PDE10A: variants seen among roughly 807,000 people sequenced by gnomAD.
PDE10A encodes the protein cAMP and cAMP-inhibited cGMP 3',5'-cyclic phosphodiesterase 10A.
In PDE10A, 39 loss-of-function variants were observed where a neutral mutation model predicts 97.7. The ratio of observed to expected loss-of-function variants is 0.40; its 90% confidence interval spans 0.31 to 0.52. The LOEUF is 0.52. PDE10A is among the 20% of genes least tolerant of loss of function. The pLI is 0.56. For synonymous variants in PDE10A, 371 were observed against 376.8 expected (o/e 0.98, Z 0.18); for missense variants, 731 against 1,047.8 (o/e 0.70, Z 4.17).
intron 1 of PDE10A, among the ~76,000 whole-genome samples, chr6:165,903,433 A>G (rs917859951): frequency 6.6e-6 from 1 of 152,174 alleles, no homozygotes; most frequent in Non-Finnish European, 1.5e-5. Flanking sequence ...TTTGAATGTG[A>G]TGGGTACAGG....
At chr6:165,750,325 C>G (rs1482701770) in intron 1 of PDE10A, among the ~76,000 whole-genome samples, 1 of 152,154 alleles carries the variant, frequency 6.6e-6, no homozygotes, top group African/African-American at 2.4e-5. Flanking sequence ...ACAACTGAAA[C>G]GTGGAAAAGG....
At chr6:165,625,861 G>T (rs1299759965) in intron 1 of PDE10A, among the ~76,000 whole-genome samples, 3 of 152,116 alleles carry the variant, frequency 2.0e-5, no homozygotes, top group East Asian at 1.9e-4. Context: ...GCATGGAAAC[G>T]GACTCACACA....
At chr6:165,839,902 TC>T (rs1780189066) in intron 1 of PDE10A, among the ~76,000 whole-genome samples, 1 of 2,016 alleles carries the variant, frequency 5.0e-4, no homozygotes, top group Admixed American at 4.9e-3. Flanking sequence ...CCCATTCCCA[TC>T]TCCAACTCCA....
chr6:165,977,053 C>T (rs887350875), intron 1 of PDE10A, among the ~76,000 whole-genome samples: 5 of 152,188 alleles, frequency 3.3e-5, no homozygotes, highest in African/African-American at 1.2e-4. Context: ...GTTACAGAAC[C>T]TGTTACTTTA....
chr6:165,433,782 G>A (rs1457176791), intron 6 of PDE10A, among the ~76,000 whole-genome samples: 1 of 151,992 alleles, frequency 6.6e-6, no homozygotes, highest in Admixed American at 6.6e-5. Flanking sequence ...TTGGGAGGCC[G>A]AGGTGGGCGG....
At chr6:165,666,871 A>T (rs1028669874), upstream of PDE10A, among the ~76,000 whole-genome samples, 1 of 152,242 alleles carries the variant, frequency 6.6e-6, no homozygotes, top group Non-Finnish European at 1.5e-5. Flanking sequence ...GCTTGACATC[A>T]GGGAGACTGC....
chr6:165,734,957 GATAGATA>G (rs1792528046), intron 1 of PDE10A, among the ~76,000 whole-genome samples: 1 of 107,076 alleles, frequency 9.3e-6, no homozygotes, highest in African/African-American at 4.4e-5. Flanking sequence ...AAAGTAGATA[GATAGATA>G]GATAGATAGA....
intron 1 of PDE10A, among the ~76,000 whole-genome samples, chr6:165,764,611 G>A (rs981896693): frequency 1.3e-5 from 2 of 152,066 alleles, no homozygotes; most frequent in Non-Finnish European, 2.9e-5. Flanking sequence ...GCAGACCTTC[G>A]CAGTGAGTGT....
rs1159632051 is a variant in PDE10A at position 165,331,293 on chromosome 6, T to A, written c.*1732A>T. 6.6e-6 allele frequency: 1 copy of A among 152,314 alleles called. No homozygotes were observed. Among genetic ancestry groups the A allele is most frequent in the South Asian group, 2.1e-4 (1 of 4,828 alleles). The allele number at this position is 152,314 out of a possible 1,614,324, so 9.4% of individuals were successfully genotyped here. On this transcript the variant is annotated 3_prime_UTR_variant, in exon 22 of 22. Coordinates refer to ENST00000539869, the MANE Select transcript of PDE10A (RefSeq NM_001385079.1). ...TTTGTTATTACATTTTACCTCATAG[T>A]GTATAATGAAAATAGCAAATGGAGC...
At position 165,839,110 on chromosome 6, in the gene PDE10A, T is replaced by C. The variant is rs969841847; in HGVS notation, c.-615+148419A>G. 3.3e-5 allele frequency among the ~76,000 whole-genome samples: 5 copies of C among 152,372 alleles called. No homozygotes were observed. In the South Asian group the frequency reaches 1.0e-3, roughly 32 times the overall value. The stretch of plus-strand genomic sequence containing the variant: ...TTTCTAAAAAGTCCAGAAACTCTTT[T>C]TCTGTACGCCAAACTCTATCACTAA... On this transcript the variant is annotated intron_variant, in intron 1 of 19. Coordinates refer to the PDE10A transcript ENST00000366882.
At chr6:165,883,663 G>A (rs1781550393) in intron 1 of PDE10A, among the ~76,000 whole-genome samples, 1 of 152,160 alleles carries the variant, frequency 6.6e-6, no homozygotes, top group Non-Finnish European at 1.5e-5. Context: ...GGGGTCTAGG[G>A]GGCAACAACA....
intron 10 of PDE10A, among the ~76,000 whole-genome samples, chr6:165,423,258 T>C (rs220813): frequency 0.22 from 33,538 of 152,180 alleles, 4,071 homozygotes; most frequent in African/African-American, 0.31. Flanking sequence ...TCTTTTATTA[T>C]CTCACACTAA....
In PDE10A at chr6:165,448,026, A is replaced by T. The variant is rs73788393; in HGVS notation, c.1194+902T>A. 2.3e-3 allele frequency among the ~76,000 whole-genome samples: 347 copies of T among 152,328 alleles called. 1 individual carries two copies. Among genetic ancestry groups the T allele is most frequent in the African/African-American group, 8.0e-3 (334 of 41,576 alleles). ...TAAGAGTCCTATTAAAAATCTCAGA[A>T]TGCTTTTGTCTCTATTCCTAGTAAC... On this transcript the variant is annotated intron_variant, in intron 5 of 21. Transcript: ENST00000539869.
At chr6:165,676,946 C>A (rs755820170) in intron 1 of PDE10A, among the ~76,000 whole-genome samples, 2 of 152,218 alleles carry the variant, frequency 1.3e-5, no homozygotes, top group Non-Finnish European at 2.9e-5. Flanking sequence ...GACGGGTCCT[C>A]ACTCATTCCC....
At chr6:165,934,803 A>G (rs1783270024) in intron 1 of PDE10A, among the ~76,000 whole-genome samples, 1 of 151,862 alleles carries the variant, frequency 6.6e-6, no homozygotes, top group Non-Finnish European at 1.5e-5. Context: ...TACTACTAAT[A>G]TCTTGCTTTT....
chr6:165,387,414 C>G (rs1473520629), intron 17 of PDE10A, among the ~76,000 whole-genome samples: 1 of 152,074 alleles, frequency 6.6e-6, no homozygotes, highest in African/African-American at 2.4e-5. Context: ...CTAAGAGAAG[C>G]CTTTGGGAAA....
intron 1 of PDE10A, among the ~76,000 whole-genome samples, chr6:165,778,356 C>A (rs1433649892): frequency 6.6e-6 from 1 of 152,192 alleles, no homozygotes; most frequent in Admixed American, 6.5e-5. Flanking sequence ...AGGCGTGAGC[C>A]ACCGCGCCTG....
chr6:165,882,000 C>T (rs1412845309), intron 1 of PDE10A, among the ~76,000 whole-genome samples: 1 of 152,216 alleles, frequency 6.6e-6, no homozygotes, highest in East Asian at 1.9e-4. Flanking sequence ...TTACTGATGG[C>T]AGCTGCCAGA....
At chr6:165,909,414 G>T (rs898318716) in intron 1 of PDE10A, among the ~76,000 whole-genome samples, 1 of 152,230 alleles carries the variant, frequency 6.6e-6, no homozygotes, top group Non-Finnish European at 1.5e-5. Flanking sequence ...GTTGCTGTCT[G>T]TTGGACTCGG....
Sources: gnomAD v4.1 joint callset for allele counts (sites outside exome capture counted in the v4.1 genomes callset) on GRCh38, gnomAD v4.1.1 for gene constraint, MANE v1.5 for transcripts, NCBI Gene and HGNC (gene_info 2026-07-23, HGNC 2026-07-21) for gene names.